The following ANKRD44 variants were observed in gnomAD, a reference collection of about 807,000 sequenced individuals.
The protein encoded by ANKRD44 is ankyrin repeat domain 44.
ANKRD44 carries 35 observed loss-of-function variants against 116.0 expected under a neutral mutation model. The ratio of observed to expected loss-of-function variants is 0.30; its 90% CI spans 0.23 to 0.40. ANKRD44 has a LOEUF of 0.40. Ranked by LOEUF, ANKRD44 falls within the 10% of genes least tolerant of loss-of-function variation. ANKRD44 has a pLI of 1.00. For synonymous variants in ANKRD44, 435 were observed against 461.8 expected (o/e 0.94, Z 0.74); for missense variants, 1,014 against 1,242.6 (o/e 0.82, Z 2.77).
At chr2:197,124,514 T>C (rs1455015961) in intron 6 of ANKRD44, among the ~76,000 whole-genome samples, 1 of 152,232 alleles carries the variant, frequency 6.6e-6, no homozygotes, top group Non-Finnish European at 1.5e-5. Context: ...TTTTATAATA[T>C]GCTTTCATTT....
At chr2:197,186,612 CTTTTTTTTTTTTTTTTTTTT>C (rs149107038) in intron 2 of ANKRD44, among the ~76,000 whole-genome samples, 2 of 50,786 alleles carry the variant, frequency 3.9e-5, no homozygotes, top group African/African-American at 4.7e-5. Context: ...GCTAATTTTT[CTTTTTTTTTTTTTTTTTTTT>C]TTTTTTTTTT....
At chr2:196,968,011 T>C in intron 21 of ANKRD44, among the ~76,000 whole-genome samples, 1 of 152,002 alleles carries the variant, frequency 6.6e-6, no homozygotes, top group Non-Finnish European at 1.5e-5. Context: ...GTAAGCTTCC[T>C]GAGGCTTCCC....
chr2:197,059,844 T>C (rs558367176), intron 16 of ANKRD44, among the ~76,000 whole-genome samples: 26 of 152,238 alleles, frequency 1.7e-4, no homozygotes, highest in Non-Finnish European at 3.8e-4. Flanking sequence ...GGTTCTCTGA[T>C]ATTTTGAAAA....
At chr2:197,196,406 T>TA (rs36002789) in intron 1 of ANKRD44, among the ~76,000 whole-genome samples, 2,996 of 152,230 alleles carry the variant, frequency 0.02, 50 homozygotes, top group South Asian at 0.04. Context: ...GCATCACTTA[T>TA]AAAAAAGACA....
chr2:197,227,817 A>G (rs1043606737), intron 1 of ANKRD44, among the ~76,000 whole-genome samples: 3 of 152,204 alleles, frequency 2.0e-5, no homozygotes, highest in Non-Finnish European at 4.4e-5. Flanking sequence ...ATAATACCTA[A>G]CCTGACTGCC....
At chr2:197,052,866 T>C (rs1033328464) in intron 16 of ANKRD44, among the ~76,000 whole-genome samples, 1 of 151,944 alleles carries the variant, frequency 6.6e-6, no homozygotes, top group African/African-American at 2.4e-5. Context: ...TGTTTTGCTG[T>C]TTTTTTTAAG....
At chr2:196,980,574 A>C (rs1385984586) in intron 21 of ANKRD44, among the ~76,000 whole-genome samples, 1 of 152,212 alleles carries the variant, frequency 6.6e-6, no homozygotes, top group Non-Finnish European at 1.5e-5. Flanking sequence ...TGTCCTCTGC[A>C]GAAGGCCCGC....
Position 197,026,043 on chromosome 2 carries a change from G to GAAAC in ANKRD44, c.1651-780_1651-777dup, listed in dbSNP as rs1553489096. Among the ~76,000 whole-genome samples the GAAAC allele has an allele frequency of 4.4e-3, 101 of 22,734 alleles. 1 individual carries two copies. The highest frequency in any genetic ancestry group is 0.031 in the East Asian group (9 of 294). 14.9% of individuals were successfully genotyped at this position (22,734 alleles called of 152,430 possible). On this transcript the variant is annotated intron_variant, in intron 16 of 27. Coordinates refer to ENST00000282272, the MANE Select transcript of ANKRD44 (RefSeq NM_001195144.2). ...GACTCAGAGAAGGGGGAGATAAAAA[G>GAAAC]AAACAAAAAAAAAAAAAACACCTTT...
At chr2:197,244,155 A>G (rs1257893108) in intron 1 of ANKRD44, among the ~76,000 whole-genome samples, 1 of 152,234 alleles carries the variant, frequency 6.6e-6, no homozygotes, top group Non-Finnish European at 1.5e-5. Flanking sequence ...TTAGGTAGCT[A>G]TAACTGGCAG....
chr2:197,149,255 C>G (rs911952217), intron 2 of ANKRD44, among the ~76,000 whole-genome samples: 8 of 152,184 alleles, frequency 5.3e-5, no homozygotes, highest in African/African-American at 1.9e-4. Context: ...ATTATGACTT[C>G]ATTTGACCTG....
intron 13 of ANKRD44, 30 bp downstream of exon 13, chr2:197,086,650 C>T: frequency 6.2e-7 from 1 of 1,606,030 alleles, no homozygotes; most frequent in South Asian, 1.1e-5. Flanking sequence ...CTTATTTAAG[C>T]ACTTGAAGCA....
chr2:197,064,339 GC>G (rs1244808642), intron 16 of ANKRD44, among the ~76,000 whole-genome samples: 1 of 152,190 alleles, frequency 6.6e-6, no homozygotes, highest in Non-Finnish European at 1.5e-5. Flanking sequence ...ACCAGCCACT[GC>G]AAAAACATGA....
intron 1 of ANKRD44, among the ~76,000 whole-genome samples, chr2:197,251,769 G>A (rs181093813): frequency 2.6e-5 from 4 of 152,274 alleles, no homozygotes; most frequent in East Asian, 1.9e-4. Context: ...TGACTGGTTC[G>A]TCTAGACTTA....
chr2:197,037,058 A>G (rs1008144877), intron 16 of ANKRD44, among the ~76,000 whole-genome samples: 5 of 152,242 alleles, frequency 3.3e-5, no homozygotes, highest in Non-Finnish European at 4.4e-5. Flanking sequence ...ATACAGAATT[A>G]CACCTTCAAT....
intron 1 of ANKRD44, among the ~76,000 whole-genome samples, chr2:197,244,079 T>C (rs2082141753): frequency 6.6e-6 from 1 of 152,106 alleles, no homozygotes; most frequent in Non-Finnish European, 1.5e-5. Context: ...AAAACAAAAG[T>C]ATCAAAACCA....
At chr2:197,107,400 A>G (rs561014595) in intron 9 of ANKRD44, among the ~76,000 whole-genome samples, 1 of 152,330 alleles carries the variant, frequency 6.6e-6, no homozygotes, top group Non-Finnish European at 1.5e-5. Flanking sequence ...CAGACACCAG[A>G]TGCTGTCTTT....
chr2:197,082,355 A>G (rs767868228), intron 14 of ANKRD44, among the ~76,000 whole-genome samples: 1 of 152,190 alleles, frequency 6.6e-6, no homozygotes, highest in Admixed American at 6.6e-5. Context: ...GATTTATTAT[A>G]TAACTATGAA....
chr2:197,058,823 G>T (rs1296227716), intron 16 of ANKRD44, among the ~76,000 whole-genome samples: 1 of 152,182 alleles, frequency 6.6e-6, no homozygotes, highest in Non-Finnish European at 1.5e-5. Context: ...TGCATTATGT[G>T]ACAGGCACAT....
intron 9 of ANKRD44, among the ~76,000 whole-genome samples, 193 bp from the exon 10 acceptor site, chr2:197,100,123 C>T (rs368653153): frequency 6.6e-6 from 1 of 152,300 alleles, no homozygotes; most frequent in South Asian, 2.1e-4. Flanking sequence ...AGTATATCTG[C>T]GTAGACAGAA....
Sources: allele counts gnomAD v4.1 joint callset (sites outside exome capture counted in the v4.1 genomes callset), GRCh38; gene constraint gnomAD v4.1.1; transcripts MANE v1.5; gene names NCBI Gene and HGNC (gene_info 2026-07-23, HGNC 2026-07-21).